Variants in SLC38A8 observed in about 807,000 individuals in gnomAD.
SLC38A8 encodes amino acid transporter SLC38A8.
SLC38A8 carries 65 observed loss-of-function variants against 46.0 expected under a neutral mutation model. The observed-to-expected ratio is 1.41, with a 90% CI of 1.16 to 1.74. The LOEUF (loss-of-function observed/expected upper bound fraction) is 1.74, where lower values mean the gene tolerates loss of function less well. Ranked by LOEUF, SLC38A8 falls within the 40% of genes most tolerant of loss-of-function variation. SLC38A8 has a pLI of 0.00. For synonymous variants in SLC38A8, 447 were observed against 243.7 expected (o/e 1.83, Z -7.77); for missense variants, 998 against 567.9 (o/e 1.76, Z -7.70).
intron 6 of SLC38A8, among the ~76,000 whole-genome samples, chr16:84,028,823 G>A (rs1196212661): frequency 6.6e-6 from 1 of 151,908 alleles, no homozygotes; most frequent in Non-Finnish European, 1.5e-5. Flanking sequence ...CTCTCTACCT[G>A]GGGTGCGCTT....
chr16:84,009,763 C>G lies in SLC38A8; in HGVS notation c.*21G>C. On this transcript the variant is annotated 3_prime_UTR_variant, in exon 11 of 11. Transcript: ENST00000299709. ...GGGTCAGCCCCCGGAGGGCCCCTTC[C>G]TGCCCGGCACTAGCTGCCCATCAGA... The G allele has an allele frequency of 6.2e-7, 1 of 1,608,570 alleles. No homozygotes were observed.
chr16:84,026,023 A>G (rs1341855005), intron 6 of SLC38A8, among the ~76,000 whole-genome samples: 2 of 152,234 alleles, frequency 1.3e-5, no homozygotes, highest in African/African-American at 4.8e-5. Context: ...ACCTCCGTGC[A>G]CCAGCACCTC....
At chr16:84,022,973 G>T in intron 6 of SLC38A8, 84 bp from the exon 7 acceptor site, 1 of 921,950 alleles carries the variant, frequency 1.1e-6, no homozygotes, top group Non-Finnish European at 1.6e-6. Context: ...CAAAAGGCGG[G>T]AAATGTGGGA....
chr16:84,013,168 GC>G, intron 9 of SLC38A8, 116 bp from the exon 10 acceptor site: 1 of 1,177,810 alleles, frequency 8.5e-7, no homozygotes, highest in South Asian at 1.4e-5. Context: ...GCCCATGGGT[GC>G]CCCTGGCTCA....
At chr16:84,027,957 A>G (rs2085185712) in intron 6 of SLC38A8, among the ~76,000 whole-genome samples, 1 of 152,222 alleles carries the variant, frequency 6.6e-6, no homozygotes, top group Non-Finnish European at 1.5e-5. Flanking sequence ...TGCAGGAAGC[A>G]ATGTGAGAAA....
At chr16:84,023,093 C>G (rs1330831665) in intron 6 of SLC38A8, among the ~76,000 whole-genome samples, 1 of 152,162 alleles carries the variant, frequency 6.6e-6, no homozygotes, top group Non-Finnish European at 1.5e-5. Flanking sequence ...TTGTTACATG[C>G]CCAAACACGC....
chr16:84,019,244 T>G (rs2085068636), intron 7 of SLC38A8, among the ~76,000 whole-genome samples: 1 of 152,012 alleles, frequency 6.6e-6, no homozygotes, highest in South Asian at 2.1e-4. Context: ...TCGGCTATAT[T>G]TTTCTGTTTT....
rs778211104 is a variant in SLC38A8 at position 84,031,931 on chromosome 16, C to T, written c.568G>A (p.Val190Ile). 1 of 1,614,188 alleles carries T rather than the reference C, an allele frequency of 6.2e-7. No homozygotes were observed. The change falls in exon 5 of 11, where the codon GTC (valine) becomes ATC (isoleucine). Residue 190 changes from valine (V) to isoleucine (I), a missense_variant. Val to Ile is a conservative substitution (Grantham distance 29). Coordinates refer to ENST00000299709, the MANE Select transcript of SLC38A8 (RefSeq NM_001080442.3). The stretch of plus-strand genomic sequence containing the variant: ...CAGAGGTAGTACTGCACGGTGATGA[C>T]CAGGGCCAGGTAACAGGCAGCCAGA... ...GTLAACYLALVITVQYYLWPQ... is the reference protein window; with the variant it reads ...GTLAACYLALIITVQYYLWPQ...
At chr16:84,042,474 C>CT (rs2085378786) in intron 1 of SLC38A8, 77 bp downstream of exon 1, 1 of 251,264 alleles carries the variant, frequency 4.0e-6, no homozygotes, top group South Asian at 1.0e-4. Context: ...TCAATCCTCT[C>CT]TCCCCCCATT....
chr16:84,012,438 G>C (rs539552627), intron 10 of SLC38A8, among the ~76,000 whole-genome samples: 1 of 152,338 alleles, frequency 6.6e-6, no homozygotes, highest in East Asian at 1.9e-4. Flanking sequence ...CCAGGCAGGT[G>C]GGTTAGCATG....
chr16:84,020,394 C>T (rs1210188267), intron 7 of SLC38A8, among the ~76,000 whole-genome samples: 1 of 152,178 alleles, frequency 6.6e-6, no homozygotes, highest in African/African-American at 2.4e-5. Flanking sequence ...AGTCCTTTCA[C>T]CTCAGCCTCC....
At chr16:84,027,438 C>T (rs2085178271) in intron 6 of SLC38A8, among the ~76,000 whole-genome samples, 1 of 151,552 alleles carries the variant, frequency 6.6e-6, no homozygotes, top group South Asian at 2.1e-4. Context: ...TGGACACAAC[C>T]CCTCTGCTCC....
chr16:84,036,285 G>A (rs776507280), intron 3 of SLC38A8, among the ~76,000 whole-genome samples: 1 of 152,242 alleles, frequency 6.6e-6, no homozygotes, highest in Non-Finnish European at 1.5e-5. Flanking sequence ...AAATTGGCAA[G>A]ATGCAGCTAA....
intron 10 of SLC38A8, among the ~76,000 whole-genome samples, chr16:84,012,759 C>T (rs1349385991): frequency 6.6e-6 from 1 of 152,188 alleles, no homozygotes; most frequent in Non-Finnish European, 1.5e-5. Context: ...ACATGAAATC[C>T]CAACCACAGA....
intron 4 of SLC38A8, 77 bp from the exon 5 acceptor site, chr16:84,032,045 G>T: frequency 8.0e-7 from 1 of 1,245,936 alleles, no homozygotes; most frequent in Non-Finnish European, 1.2e-6. Context: ...AGTGGGATCT[G>T]AATCCCAGCT....
intron 6 of SLC38A8, among the ~76,000 whole-genome samples, chr16:84,025,491 A>G (rs569131484): frequency 6.6e-6 from 1 of 151,808 alleles, no homozygotes; most frequent in Admixed American, 6.6e-5. Context: ...CGGTTTGTCT[A>G]CTCAGCGTCT....
chr16:84,024,696 G>A (rs555556208), intron 6 of SLC38A8, among the ~76,000 whole-genome samples: 50 of 152,158 alleles, frequency 3.3e-4, no homozygotes, highest in Non-Finnish European at 5.0e-4. Context: ...CAGGAGAGTC[G>A]CTCAAGCCTG....
At chr16:84,034,358 A>G (rs889786748) in intron 3 of SLC38A8, among the ~76,000 whole-genome samples, 1 of 152,256 alleles carries the variant, frequency 6.6e-6, no homozygotes, top group African/African-American at 2.4e-5. Flanking sequence ...AAAGAACACC[A>G]AAGAATGTGG....
At chr16:84,015,593 C>T (rs1208613969) in intron 9 of SLC38A8, among the ~76,000 whole-genome samples, 1 of 151,758 alleles carries the variant, frequency 6.6e-6, no homozygotes, top group Non-Finnish European at 1.5e-5. Context: ...TTCAGGGCCT[C>T]GGTCTTCGCA....
Sources: allele counts gnomAD v4.1 joint callset (sites outside exome capture counted in the v4.1 genomes callset), GRCh38; gene constraint gnomAD v4.1.1; transcripts MANE v1.5; gene names NCBI Gene and HGNC (gene_info 2026-07-23, HGNC 2026-07-21).